LY75: variants seen among roughly 807,000 people sequenced by gnomAD.
The protein encoded by LY75 is lymphocyte antigen 75.
In LY75, 185 loss-of-function variants were observed where a neutral mutation model predicts 231.7. The observed-to-expected ratio is 0.80, with a 90% CI of 0.71 to 0.90. The LOEUF is 0.90. LY75 is among the 40% of genes least tolerant of loss of function. The pLI is 0.00. For synonymous variants in LY75, 668 were observed against 689.0 expected, an observed-to-expected ratio of 0.97 and a Z score of 0.48; for missense variants, 1,947 against 2,050.2, an observed-to-expected ratio of 0.95 and a Z score of 0.97.
At chr2:159,900,921 C>T (rs1374370890) in intron 1 of LY75, among the ~76,000 whole-genome samples, 1 of 152,130 alleles carries the variant, frequency 6.6e-6, no homozygotes, top group East Asian at 1.9e-4. Context: ...TAACTGCAAC[C>T]TCCGCCTCCC....
intron 12 of LY75, 129 bp downstream of exon 12, chr2:159,875,315 C>T (rs758371600): frequency 7.7e-7 from 1 of 1,301,364 alleles, no homozygotes; most frequent in Non-Finnish European, 1.0e-6. Flanking sequence ...CTGCCAAGGA[C>T]TCTGTGCTCC....
rs1412783488 is a variant in LY75 at position 159,807,071 on chromosome 2, C to A, written c.4892G>T (p.Gly1631Val). 1 of 1,613,774 alleles carries A rather than the reference C, an allele frequency of 6.2e-7. No individual in the cohort carries two copies. Among genetic ancestry groups the A allele is most frequent in the East Asian group, 2.2e-5 (1 of 44,866 alleles). The stretch of plus-strand genomic sequence containing the variant: ...TATCAACATGCTACATCTTCCAACA[C>A]CACTCTTACTTTTATTTTCCCATTT... The part of the protein sequence containing the change: ...FVKWENKSKS[G>V]VGRCSMLIAS... The change falls in exon 34 of 35, where the codon GGT becomes GTT. Residue 1631 changes from glycine to valine, a missense_variant. Transcript: ENST00000263636.
chr2:159,821,779 A>G (rs890677760), intron 28 of LY75, among the ~76,000 whole-genome samples: 1 of 152,222 alleles, frequency 6.6e-6, no homozygotes, highest in Non-Finnish European at 1.5e-5. Flanking sequence ...TCCAGTGTGC[A>G]GCTCCAAGCA....
rs764506556 is a variant in LY75 at position 159,850,048 on chromosome 2, T to C, written c.3082A>G (p.Asn1028Asp). ...AAGTTACTGTACGTCAGCTCTCTGT[T>C]ATCTGTCCATTTGTTTATCTTTTCA... ...AYEKINKWTD[N>D]RELTYSNFHP... The change falls in exon 23 of 35, where the codon AAC (asparagine) becomes GAC (aspartate). Residue 1028 changes from asparagine (N) to aspartate (D), a missense_variant. Asn to Asp is a conservative substitution (Grantham distance 23). Transcript: ENST00000263636. 3 of 1,613,940 alleles carry C rather than the reference T, an allele frequency of 1.9e-6. No individual in the cohort carries two copies. Among genetic ancestry groups the C allele is most frequent in the Non-Finnish European group, 8.5e-7 (1 of 1,179,936 alleles).
At chr2:159,830,198 T>C (rs890939706) in intron 28 of LY75, among the ~76,000 whole-genome samples, 4 of 152,192 alleles carry the variant, frequency 2.6e-5, no homozygotes, top group Non-Finnish European at 5.9e-5. Context: ...CAGGAAAACA[T>C]TGGTAACCCC....
chr2:159,853,249 T>C, intron 20 of LY75, 24 bp downstream of exon 20: 1 of 1,605,372 alleles, frequency 6.2e-7, no homozygotes, highest in Non-Finnish European at 8.5e-7. Context: ...TAATCAGCAT[T>C]AAAGGATTTA....
intron 31 of LY75, 106 bp from the exon 32 acceptor site, chr2:159,810,781 T>C: frequency 6.6e-7 from 1 of 1,514,428 alleles, no homozygotes; most frequent in Non-Finnish European, 8.8e-7. Context: ...TGTGGTTGAG[T>C]AGCATTTAAC....
intron 28 of LY75, 106 bp downstream of exon 28, chr2:159,831,564 A>G: frequency 1.4e-5 from 17 of 1,205,602 alleles, no homozygotes; most frequent in Non-Finnish European, 2.0e-5. Flanking sequence ...ACATAATTAT[A>G]CTTTCACGTA....
At chr2:159,822,719 G>A (rs546612525) in intron 28 of LY75, among the ~76,000 whole-genome samples, 9 of 152,238 alleles carry the variant, frequency 5.9e-5, no homozygotes, top group African/African-American at 1.9e-4. Flanking sequence ...ATACAGGAGA[G>A]CTCTGGCTGG....
At chr2:159,822,173 C>T (rs936933735) in intron 28 of LY75, among the ~76,000 whole-genome samples, 3 of 152,176 alleles carry the variant, frequency 2.0e-5, no homozygotes, top group South Asian at 2.1e-4. Flanking sequence ...CCTGGAATGC[C>T]GGTGAGACAG....
intron 15 of LY75, among the ~76,000 whole-genome samples, chr2:159,859,647 T>C (rs1297176315): frequency 6.6e-6 from 1 of 152,232 alleles, no homozygotes; most frequent in Non-Finnish European, 1.5e-5. Flanking sequence ...TCATATAGCA[T>C]AGTGGTTAAG....
chr2:159,843,903 C>T (rs1684117992), intron 23 of LY75, among the ~76,000 whole-genome samples: 1 of 152,144 alleles, frequency 6.6e-6, no homozygotes, highest in South Asian at 2.1e-4. Flanking sequence ...TGAAACATCA[C>T]ACTGCACCTG....
At chr2:159,826,354 C>T (rs6735046) in intron 28 of LY75, among the ~76,000 whole-genome samples, 1 of 151,982 alleles carries the variant, frequency 6.6e-6, no homozygotes, top group Admixed American at 6.5e-5. Flanking sequence ...CTCCCATTCA[C>T]AACTGTTACA....
intron 28 of LY75, among the ~76,000 whole-genome samples, chr2:159,824,592 C>T (rs1231064611): frequency 6.6e-6 from 1 of 152,202 alleles, no homozygotes; most frequent in Non-Finnish European, 1.5e-5. Context: ...AGGACTTGAA[C>T]TCAGCTCTGG....
intron 13 of LY75, among the ~76,000 whole-genome samples, chr2:159,869,462 T>C (rs1684948106): frequency 6.6e-6 from 1 of 152,170 alleles, no homozygotes; most frequent in African/African-American, 2.4e-5. Context: ...AGCATGATGG[T>C]AGGATTGGGC....
rs894410901 is a variant in LY75 at position 159,878,374 on chromosome 2, C to T, written c.1724G>A (p.Gly575Asp). ...SCGEYNWATV[G>D]GRRRAVTFSN... ...AAAGGTTACAGCCCGCCTTCTTCCA[C>T]CAACAGTTGCCCAGTTATACTCTCC... The change falls in exon 11 of 35, where the codon GGT becomes GAT. Residue 575 changes from glycine to aspartate, a missense_variant. Physicochemically the swap from Gly to Asp is moderately conservative, Grantham distance 94. Coordinates refer to ENST00000263636, the MANE Select transcript of LY75 (RefSeq NM_002349.4). The T allele has an allele frequency of 5.0e-6, 8 of 1,613,986 alleles. No individual in the cohort carries two copies. Among genetic ancestry groups the T allele is most frequent in the Non-Finnish European group, 6.8e-6 (8 of 1,179,994 alleles).
At chr2:159,832,547 T>G (rs1683695597) in intron 27 of LY75, among the ~76,000 whole-genome samples, 3 of 152,158 alleles carry the variant, frequency 2.0e-5, no homozygotes, top group Admixed American at 2.0e-4. Flanking sequence ...TTAAAAAGGC[T>G]TAATATTTCC....
chr2:159,863,873 G>A (rs1828480), intron 14 of LY75, among the ~76,000 whole-genome samples: 61,815 of 151,854 alleles, frequency 0.41, 13,263 homozygotes, highest in South Asian at 0.67. Flanking sequence ...GTGTTCCCAC[G>A]AGATTATATC....
At chr2:159,808,953 C>T (rs145837292) in intron 32 of LY75, among the ~76,000 whole-genome samples, 3 of 152,282 alleles carry the variant, frequency 2.0e-5, no homozygotes, top group African/African-American at 7.2e-5. Context: ...CTCATGCCTC[C>T]AAGTCTTAAG....
Sources: allele counts gnomAD v4.1 joint callset (sites outside exome capture counted in the v4.1 genomes callset), GRCh38; gene constraint gnomAD v4.1.1; transcripts MANE v1.5; gene names NCBI Gene and HGNC (gene_info 2026-07-23, HGNC 2026-07-21).